OR14I1: variants seen among roughly 807,000 people sequenced by gnomAD.
OR14I1 encodes olfactory receptor family 14 subfamily I member 1.
For synonymous variants in OR14I1, 118 were observed against 71.1 expected, an observed-to-expected ratio of 1.66 and a Z score of -3.32; for missense variants, 279 against 181.8, an observed-to-expected ratio of 1.53 and a Z score of -3.07.
the OR14I1 span, among the ~76,000 whole-genome samples, chr1:248,698,156 A>T: frequency 4.6e-5 from 7 of 152,140 alleles, no homozygotes; most frequent in Non-Finnish European, 7.3e-5. Flanking sequence ...TAGAAGGCTA[A>T]CCATGTTGGT....
At chr1:248,697,477 TAAA>T in the OR14I1 span, among the ~76,000 whole-genome samples, 18,900 of 127,562 alleles carry the variant, frequency 0.15, 1,300 homozygotes, top group East Asian at 0.18. Context: ...TGGTTAGGTT[TAAA>T]AAAAAAAAAA....
chr1:248,678,431 C>A (rs958024881), downstream of OR14I1, among the ~76,000 whole-genome samples: 2 of 152,122 alleles, frequency 1.3e-5, no homozygotes, highest in African/African-American at 2.4e-5. Flanking sequence ...TTTTCTCTGG[C>A]AACACTGAAT....
At chr1:248,687,385 C>T in the OR14I1 span, among the ~76,000 whole-genome samples, 21 of 152,180 alleles carry the variant, frequency 1.4e-4, no homozygotes, top group Admixed American at 9.2e-4. Flanking sequence ...CATAGACTCT[C>T]AGAAAATTAT....
upstream of OR14I1, among the ~76,000 whole-genome samples, chr1:248,685,417 A>G (rs1391867838): frequency 1.3e-5 from 2 of 152,186 alleles, no homozygotes; most frequent in Non-Finnish European, 2.9e-5. Context: ...CAAGAATTGC[A>G]GCTGTCCCAT....
At chr1:248,682,461 G>A (rs911272015), upstream of OR14I1, among the ~76,000 whole-genome samples, 1 of 152,184 alleles carries the variant, frequency 6.6e-6, no homozygotes, top group Admixed American at 6.5e-5. Context: ...AAAATGGTGG[G>A]AGATTTTTAA....
At chr1:248,688,780 G>A in the OR14I1 span, among the ~76,000 whole-genome samples, 1 of 152,262 alleles carries the variant, frequency 6.6e-6, no homozygotes, top group Non-Finnish European at 1.5e-5. Context: ...TTGACTGCAG[G>A]GTTCCCATGG....
chr1:248,697,820 G>C, the OR14I1 span, among the ~76,000 whole-genome samples: 1 of 152,120 alleles, frequency 6.6e-6, no homozygotes, highest in Admixed American at 6.5e-5. Flanking sequence ...GGGGCAATGT[G>C]TGCTTTTTTC....
At chr1:248,685,368 G>A (rs1402470877), upstream of OR14I1, among the ~76,000 whole-genome samples, 1 of 152,092 alleles carries the variant, frequency 6.6e-6, no homozygotes, top group African/African-American at 2.4e-5. Context: ...TAAAATGGTT[G>A]TTAATTGGTT....
chr1:248,686,433 T>C (rs947056177), upstream of OR14I1, among the ~76,000 whole-genome samples: 11 of 152,142 alleles, frequency 7.2e-5, no homozygotes, highest in Non-Finnish European at 1.2e-4. Context: ...TTATCCCACT[T>C]ATATCAAGCA....
chr1:248,681,927 G>A (rs1181476105), exon 1 of OR14I1: 1 of 781,060 alleles, frequency 1.3e-6, no homozygotes, highest in Non-Finnish European at 2.4e-6. Flanking sequence ...ATTGGAGGGG[G>A]TGGCAAATGG....
At chr1:248,693,173 C>A in the OR14I1 span, among the ~76,000 whole-genome samples, 1 of 152,266 alleles carries the variant, frequency 6.6e-6, no homozygotes, top group Admixed American at 6.5e-5. Context: ...TCCTGCATCA[C>A]CTCCCAAGCC....
chr1:248,678,598 G>A (rs903779473), downstream of OR14I1, among the ~76,000 whole-genome samples: 3 of 152,106 alleles, frequency 2.0e-5, no homozygotes, highest in East Asian at 1.9e-4. Context: ...TAAATTACAC[G>A]CATATTTCAT....
chr1:248,701,403 C>G, the OR14I1 span, among the ~76,000 whole-genome samples: 1 of 152,198 alleles, frequency 6.6e-6, no homozygotes, highest in Admixed American at 6.5e-5. Flanking sequence ...ATCCATCCAC[C>G]TCAGTCTCCC....
At chr1:248,679,188 G>A (rs1196686346), downstream of OR14I1, among the ~76,000 whole-genome samples, 1 of 152,140 alleles carries the variant, frequency 6.6e-6, no homozygotes, top group Non-Finnish European at 1.5e-5. Context: ...GTGAAACTCT[G>A]TATAAAATTA....
At chr1:248,700,187 C>T in the OR14I1 span, among the ~76,000 whole-genome samples, 1 of 152,194 alleles carries the variant, frequency 6.6e-6, no homozygotes, top group African/African-American at 2.4e-5. Context: ...CATTTTTGTC[C>T]TTTGTGTTGT....
chr1:248,681,464 G>T lies in OR14I1; in HGVS notation c.841C>A (p.Pro281Thr), dbSNP rs775548427. Reference sequence around the variant, plus strand: ...CTATATATGATGGGATTGAGGAAGGGAGGCAAAACTGTGTATGTCAGAGCA... The same window carrying T: ...CTATATATGATGGGATTGAGGAAGGTAGGCAAAACTGTGTATGTCAGAGCA... The change falls in exon 1 of 1, where the codon CCC becomes ACC. Residue 281 changes from proline to threonine, a missense_variant. By Grantham distance (38) the Pro-to-Thr change is conservative. Coordinates refer to ENST00000342623, the Ensembl canonical transcript of OR14I1. The T allele has an allele frequency of 6.4e-6, 5 of 781,016 alleles. No homozygotes were observed. The South Asian group carries it at 6.7e-5, about 10-fold the overall frequency. The allele number at this position is 781,016 out of a possible 1,614,324, so 48.4% of individuals were successfully genotyped here.
exon 1 of OR14I1, chr1:248,682,033 G>A: frequency 1.3e-6 from 1 of 781,082 alleles, no homozygotes; most frequent in Non-Finnish European, 2.4e-6. Flanking sequence ...GCCAAGATAA[G>A]AGATGGAGCT....
At chr1:248,690,053 G>A in the OR14I1 span, among the ~76,000 whole-genome samples, 1 of 152,168 alleles carries the variant, frequency 6.6e-6, no homozygotes, top group African/African-American at 2.4e-5. Context: ...CAACACACCA[G>A]AATTTCCGGG....
chr1:248,702,007 T>C, the OR14I1 span, among the ~76,000 whole-genome samples: 1 of 152,132 alleles, frequency 6.6e-6, no homozygotes, highest in Non-Finnish European at 1.5e-5. Context: ...CTTTCATGGC[T>C]GGAGCAGGAG....
Sources: allele counts gnomAD v4.1 joint callset (sites outside exome capture counted in the v4.1 genomes callset), GRCh38; gene constraint gnomAD v4.1.1; transcripts MANE v1.5; gene names NCBI Gene and HGNC (gene_info 2026-07-23, HGNC 2026-07-21).